The following ATP8B1 variants were observed in gnomAD, a reference collection of about 807,000 sequenced individuals.
The protein encoded by ATP8B1 is phospholipid-transporting ATPase IC.
A neutral mutation model predicts 149.9 loss-of-function variants in ATP8B1; 80 were observed. The observed-to-expected ratio is 0.53, with a 90% CI of 0.45 to 0.64. The LOEUF (loss-of-function observed/expected upper bound fraction) is 0.64. Ranked by LOEUF, ATP8B1 falls within the 30% of genes least tolerant of loss-of-function variation. The pLI, the probability that ATP8B1 is intolerant of heterozygous loss-of-function variation, is 0.00. For missense variants in ATP8B1, 1,247 were observed against 1,552.6 expected, an observed-to-expected ratio of 0.80 and a Z score of 3.31; for synonymous variants, 536 against 562.8, an observed-to-expected ratio of 0.95 and a Z score of 0.67.
intron 1 of ATP8B1, among the ~76,000 whole-genome samples, chr18:57,788,411 C>T (rs763176944): frequency 1.3e-5 from 2 of 151,858 alleles, no homozygotes; most frequent in Admixed American, 6.6e-5. Context: ...AACAATTAGT[C>T]GGGCGTGGTG....
chr18:57,767,586 G>A (rs928794241), intron 1 of ATP8B1, among the ~76,000 whole-genome samples: 4 of 152,058 alleles, frequency 2.6e-5, no homozygotes, highest in Admixed American at 6.6e-5. Context: ...TCAGGAGTTC[G>A]AGACCAGCCT....
chr18:57,680,265 G>A (rs1328675105), intron 15 of ATP8B1, among the ~76,000 whole-genome samples: 26 of 79,638 alleles, frequency 3.3e-4, no homozygotes, highest in Non-Finnish European at 4.4e-4. Context: ...CAACAGGAGC[G>A]AGACTCAGTC....
At chr18:57,662,138 AC>A (rs1910494149) in intron 21 of ATP8B1, among the ~76,000 whole-genome samples, 1 of 151,976 alleles carries the variant, frequency 6.6e-6, no homozygotes, top group Non-Finnish European at 1.5e-5. Flanking sequence ...AGCTCAAACC[AC>A]CCTCCTGCTT....
At position 57,701,286 on chromosome 18, in the gene ATP8B1, A is replaced by G; in HGVS notation, c.421T>C (p.Trp141Arg). The G allele has an allele frequency of 6.2e-7, 1 of 1,614,196 alleles. No individual in the cohort carries two copies. Among genetic ancestry groups the G allele is most frequent in the Non-Finnish European group, 8.5e-7 (1 of 1,180,016 alleles). ...QAVPQISTLAWYTTLVPLLVV... is the reference protein window; with the variant it reads ...QAVPQISTLARYTTLVPLLVV... ...AGCAGGGGCACTAGTGTGGTGTACC[A>G]AGCCAGGGTAGAGATTTGAGGAACT... Residue 141 changes from tryptophan (W) to arginine (R), a missense_variant, in exon 5 of 28, where the codon TGG (tryptophan) becomes CGG (arginine). Physicochemically the swap from Trp to Arg is moderately radical, Grantham distance 101. Coordinates refer to ENST00000648908, the MANE Select transcript of ATP8B1 (RefSeq NM_001374385.1).
intron 2 of ATP8B1, among the ~76,000 whole-genome samples, chr18:57,711,031 A>G (rs1247946044): frequency 1.3e-5 from 2 of 152,246 alleles, no homozygotes; most frequent in Non-Finnish European, 2.9e-5. Context: ...TAATAGCAAA[A>G]CATTGGCACA....
At chr18:57,680,301 A>AAAAAAAAAAAAAAAAAAAAAC (rs1911874145) in intron 15 of ATP8B1, among the ~76,000 whole-genome samples, 1 of 124,946 alleles carries the variant, frequency 8.0e-6, no homozygotes, top group Non-Finnish European at 1.7e-5. Flanking sequence ...AAAAAAAAAA[A>AAAAAAAAAAAAAAAAAAAAAC]AGACTGGGTG....
At chr18:57,785,757 C>T (rs988276581) in intron 1 of ATP8B1, among the ~76,000 whole-genome samples, 3 of 152,190 alleles carry the variant, frequency 2.0e-5, no homozygotes, top group Admixed American at 2.0e-4. Flanking sequence ...CCACATGCCT[C>T]AGCCTCCCAA....
At chr18:57,740,543 T>A (rs2079902327) in intron 1 of ATP8B1, 1 of 151,098 alleles carries the variant, frequency 6.6e-6, no homozygotes, top group Non-Finnish European at 1.5e-5. Context: ...GGCATACACA[T>A]GAGGTGGTTT....
Position 57,708,891 on chromosome 18 carries a change from G to C in ATP8B1, c.182-2304C>G, listed in dbSNP as rs1260376611. 2.0e-5 allele frequency among the ~76,000 whole-genome samples: 3 copies of C among 152,104 alleles called. 1 individual carries two copies. Among genetic ancestry groups the C allele is most frequent in the African/African-American group, 7.2e-5 (3 of 41,412 alleles). ...TATACCCTCATCCCTGGCCAATTTT[G>C]ATTTGGATGATTCAGACAGAGAGGG... On this transcript the variant is annotated intron_variant, in intron 2 of 27. Transcript: ENST00000648908.
intron 1 of ATP8B1, among the ~76,000 whole-genome samples, chr18:57,762,833 G>T (rs1008896266): frequency 2.0e-5 from 3 of 152,124 alleles, no homozygotes; most frequent in African/African-American, 7.2e-5. Flanking sequence ...TCCTGATGAA[G>T]CAATGTGCTT....
intron 1 of ATP8B1, among the ~76,000 whole-genome samples, chr18:57,733,829 T>C (rs2079817442): frequency 6.6e-6 from 1 of 152,136 alleles, no homozygotes. Context: ...CAAGTAGAAC[T>C]ATGTAGCTGA....
intron 2 of ATP8B1, among the ~76,000 whole-genome samples, chr18:57,711,294 G>T (rs1214210033): frequency 6.6e-6 from 1 of 152,132 alleles, no homozygotes; most frequent in Non-Finnish European, 1.5e-5. Context: ...CGATTACAAT[G>T]ATAGCCTATG....
At chr18:57,713,589 C>T (rs1386963682) in intron 2 of ATP8B1, among the ~76,000 whole-genome samples, 88 of 151,652 alleles carry the variant, frequency 5.8e-4, no homozygotes, top group Non-Finnish European at 2.9e-5. Flanking sequence ...CTACCGGGTT[C>T]AAGCAATTCT....
rs1406196327 is a variant in ATP8B1 at position 57,661,384 on chromosome 18, G to A, written c.2497C>T (p.Arg833Trp). 4.3e-6 allele frequency: 7 copies of A among 1,613,702 alleles called. No individual in the cohort carries two copies. The highest frequency in any genetic ancestry group is 1.3e-5 in the African/African-American group (1 of 74,794). Residue 833 changes from arginine to tryptophan, a missense_variant, in exon 22 of 28, where the codon CGG becomes TGG. Coordinates refer to ENST00000648908, the MANE Select transcript of ATP8B1 (RefSeq NM_001374385.1). The part of the protein sequence containing the change: ...LKFPRTEEER[R>W]MRTQSKRRLE... ...CTCCTTTTACTTTGGGTCCGCATCC[G>A]TCTTTCTTCTTCTGTTCTTGGGAAC... is the stretch of plus-strand genomic sequence containing the variant.
chr18:57,734,494 T>C (rs1325763294), intron 1 of ATP8B1, among the ~76,000 whole-genome samples: 1 of 152,362 alleles, frequency 6.6e-6, no homozygotes, highest in African/African-American at 2.4e-5. Flanking sequence ...CATTAACTGT[T>C]AATTTTTCAT....
At chr18:57,716,546 C>A (rs1390759729) in intron 2 of ATP8B1, among the ~76,000 whole-genome samples, 2 of 152,030 alleles carry the variant, frequency 1.3e-5, no homozygotes, top group Non-Finnish European at 2.9e-5. Context: ...ATATTTATAT[C>A]AGACAAAATA....
intron 2 of ATP8B1, among the ~76,000 whole-genome samples, chr18:57,723,069 CA>C (rs1910189654): frequency 6.6e-6 from 1 of 151,586 alleles, no homozygotes; most frequent in Non-Finnish European, 1.5e-5. Flanking sequence ...TAAAAACTCT[CA>C]GTAAATTAGG....
rs554746589 is a variant in ATP8B1 at position 57,647,451 on chromosome 18, T to C, written c.*1037A>G. ...CAATCTACTATCAACTTTGAAAAAGTGATTGAACGAACCACTTAGCTTTCA... is the reference window on the plus strand; with the variant it reads ...CAATCTACTATCAACTTTGAAAAAGCGATTGAACGAACCACTTAGCTTTCA... On this transcript the variant is annotated 3_prime_UTR_variant, in exon 28 of 28. Coordinates refer to ENST00000648908, the MANE Select transcript of ATP8B1 (RefSeq NM_001374385.1). 6.6e-6 allele frequency: 1 copy of C among 152,324 alleles called. No individual in the cohort carries two copies. The highest frequency in any genetic ancestry group is 2.1e-4 in the South Asian group (1 of 4,826). 9.4% of individuals were successfully genotyped at this position (152,324 alleles called of 1,614,324 possible).
At chr18:57,686,912 T>C (rs1912278624) in intron 13 of ATP8B1, among the ~76,000 whole-genome samples, 1 of 152,212 alleles carries the variant, frequency 6.6e-6, no homozygotes, top group South Asian at 2.1e-4. Flanking sequence ...GGTGTGATCT[T>C]GGCTCACTGT....
Sources: gnomAD v4.1 joint callset for allele counts (sites outside exome capture counted in the v4.1 genomes callset) on GRCh38, gnomAD v4.1.1 for gene constraint, MANE v1.5 for transcripts, NCBI Gene and HGNC (gene_info 2026-07-23, HGNC 2026-07-21) for gene names.